Variants in RIMS3 observed in about 807,000 individuals in gnomAD.
RIMS3 encodes the protein regulating synaptic membrane exocytosis 3.
Under a neutral mutation model 29.2 loss-of-function variants are expected in RIMS3, and 15 were observed. The ratio of observed to expected loss-of-function variants is 0.51; its 90% CI spans 0.34 to 0.79. The LOEUF is 0.79. Ranked by LOEUF, RIMS3 falls within the 30% of genes least tolerant of loss-of-function variation. The pLI, the probability that RIMS3 is intolerant of heterozygous loss-of-function variation, is 0.01. For synonymous variants in RIMS3, 161 were observed against 170.1 expected, an observed-to-expected ratio of 0.95 and a Z score of 0.41; for missense variants, 342 against 421.4, an observed-to-expected ratio of 0.81 and a Z score of 1.65.
At chr1:40,643,483 T>TC (rs1349221263) in intron 2 of RIMS3, among the ~76,000 whole-genome samples, 1 of 150,022 alleles carries the variant, frequency 6.7e-6, no homozygotes, top group Admixed American at 6.6e-5. Context: ...TCTCTCTTTT[T>TC]TTTTTTTTTT....
chr1:40,681,505 C>A, the RIMS3 span: 1 of 152,088 alleles, frequency 6.6e-6, no homozygotes, highest in Non-Finnish European at 1.5e-5. Flanking sequence ...CATTTCTGAG[C>A]TGGGCGACTT....
the RIMS3 span, among the ~76,000 whole-genome samples, chr1:40,688,170 G>C: frequency 6.6e-6 from 1 of 152,078 alleles, no homozygotes; most frequent in Non-Finnish European, 1.5e-5. Context: ...TTACCATGTT[G>C]ATCAGGCTGG....
Position 40,626,535 on chromosome 1 carries a change from G to A in RIMS3, c.909C>T (p.Thr303=). Residue 303 remains threonine (T), a synonymous_variant, in exon 8 of 8, where the codon ACC becomes ACT. Transcript: ENST00000372684. ...GACATCCTTAAGAGCATGAGGGGCT[G>A]GTGGCACTCTCCAGGGAAGACTGGG... The part of the protein sequence containing the change: ...RLSQSSLESA[T]SPSCS 1 of 1,609,762 alleles carries A rather than the reference G, an allele frequency of 6.2e-7. No homozygotes were observed. The highest frequency in any genetic ancestry group is 8.5e-7 in the Non-Finnish European group (1 of 1,177,972).
At chr1:40,676,030 T>C in the RIMS3 span, among the ~76,000 whole-genome samples, 1 of 151,934 alleles carries the variant, frequency 6.6e-6, no homozygotes, top group African/African-American at 2.4e-5. Flanking sequence ...TGACTGTAGG[T>C]AGAGGGGGAA....
chr1:40,646,658 C>T (rs745963433), intron 2 of RIMS3, among the ~76,000 whole-genome samples: 20 of 152,288 alleles, frequency 1.3e-4, no homozygotes, highest in Middle Eastern at 3.4e-3. Flanking sequence ...CTACTGCCCC[C>T]ACTCCTGCCA....
At chr1:40,667,356 T>G (rs1642439386), upstream of RIMS3, among the ~76,000 whole-genome samples, 3 of 147,100 alleles carry the variant, frequency 2.0e-5, no homozygotes, top group South Asian at 2.2e-4. Flanking sequence ...TTAGGGGAGG[T>G]GGGATGGAGG....
chr1:40,691,940 C>T, the RIMS3 span: 606 of 330,766 alleles, frequency 1.8e-3, 2 homozygotes, highest in Non-Finnish European at 3.0e-3. Context: ...CAGCGCTTCC[C>T]GCCTTCGCCA....
At chr1:40,664,536 A>G (rs1397425151) in intron 1 of RIMS3, among the ~76,000 whole-genome samples, 2 of 152,176 alleles carry the variant, frequency 1.3e-5, no homozygotes, top group African/African-American at 4.8e-5. Flanking sequence ...AGGGTTGGAC[A>G]CATATTCACC....
chr1:40,635,284 T>C lies in RIMS3; in HGVS notation c.359+632A>G, dbSNP rs1049276323. Among the ~76,000 whole-genome samples the C allele has an allele frequency of 2.0e-5, 3 of 152,200 alleles. No individual in the cohort carries two copies. The highest frequency in any genetic ancestry group is 4.4e-5 in the Non-Finnish European group (3 of 68,040). ...GACTTTCAGATTTTTTAATGCAACCTACATGTAAGAAAGGAGATTTAACAT... is the reference window on the plus strand; with the variant it reads ...GACTTTCAGATTTTTTAATGCAACCCACATGTAAGAAAGGAGATTTAACAT... On this transcript the variant is annotated intron_variant, in intron 4 of 7. Coordinates refer to ENST00000372684, the MANE Select transcript of RIMS3 (RefSeq NM_014747.3). This position sits in a 1 kb window ranked among gnomAD's most constrained non-coding sequence, Gnocchi z 4.1.
In RIMS3 at chr1:40,641,699, G is replaced by A. The variant is rs200776965; in HGVS notation, c.217+10C>T. On this transcript the variant is annotated intron_variant, in intron 3 of 7. Coordinates refer to ENST00000372684, the MANE Select transcript of RIMS3 (RefSeq NM_014747.3). ...CCACCTCTACCCCGTGATGTCCCAT[G>A]CCCCCTCACCAGGCTGCGGAAGCTG... The A allele has an allele frequency of 5.6e-6, 9 of 1,613,630 alleles. No homozygotes were observed. The South Asian group carries it at 9.9e-5, about 18-fold the overall frequency.
intron 2 of RIMS3, among the ~76,000 whole-genome samples, chr1:40,645,651 C>G (rs1350768521): frequency 6.6e-6 from 1 of 152,156 alleles, no homozygotes; most frequent in Non-Finnish European, 1.5e-5. Flanking sequence ...CCAACCGGAC[C>G]ATAGCTGGAG....
intron 5 of RIMS3, among the ~76,000 whole-genome samples, chr1:40,631,637 C>T (rs1462242279): frequency 6.6e-6 from 1 of 151,864 alleles, no homozygotes; most frequent in African/African-American, 2.4e-5. Flanking sequence ...TGAGATTGTG[C>T]CATTGCACTC....
chr1:40,668,205 C>T (rs1050179485), upstream of RIMS3, among the ~76,000 whole-genome samples: 5 of 146,500 alleles, frequency 3.4e-5, no homozygotes, highest in East Asian at 8.0e-4. Context: ...GAACTGAGAT[C>T]GCACCACTGC....
At chr1:40,675,955 T>G in the RIMS3 span, among the ~76,000 whole-genome samples, 1 of 151,786 alleles carries the variant, frequency 6.6e-6, no homozygotes, top group Non-Finnish European at 1.5e-5. Context: ...CAAGTAGGTC[T>G]TGGCCAGGAA....
chr1:40,673,641 A>C, the RIMS3 span, among the ~76,000 whole-genome samples: 1 of 152,184 alleles, frequency 6.6e-6, no homozygotes, highest in African/African-American at 2.4e-5. Flanking sequence ...GAGCCTTGCC[A>C]ACACTTGACT....
chr1:40,626,962 T>G (rs1365339253), intron 7 of RIMS3, among the ~76,000 whole-genome samples: 1 of 152,220 alleles, frequency 6.6e-6, no homozygotes, highest in African/African-American at 2.4e-5. Context: ...TAGGTAGGGG[T>G]GCTCTGTATC....
Position 40,621,411 on chromosome 1 carries a change from G to C in RIMS3, c.*5106C>G, listed in dbSNP as rs1165549544. 1 of 152,216 alleles carries C rather than the reference G, an allele frequency of 6.6e-6. No individual in the cohort carries two copies. The highest frequency in any genetic ancestry group is 1.5e-5 in the Non-Finnish European group (1 of 68,056). 9.4% of individuals were successfully genotyped at this position (152,216 alleles called of 1,614,324 possible). A position where few individuals can be genotyped will look rare whatever the true frequency, so the allele number is the denominator to read the frequency against. On this transcript the variant is annotated 3_prime_UTR_variant, in exon 8 of 8. Coordinates refer to ENST00000372684, the MANE Select transcript of RIMS3 (RefSeq NM_014747.3). The stretch of plus-strand genomic sequence containing the variant: ...CCACGAAGAGAGGAAAGCAGAGTCT[G>C]TTAGGATTCCCAGAGTTCTTGTCTG...
chr1:40,660,404 G>T (rs1421844691), intron 1 of RIMS3, among the ~76,000 whole-genome samples: 1 of 150,072 alleles, frequency 6.7e-6, no homozygotes, highest in African/African-American at 2.5e-5. Context: ...TTGAGACAGG[G>T]TCTCGCTTTG....
rs767146264 is a variant in RIMS3 at position 40,636,002 on chromosome 1, G to C, written c.273C>G (p.Ile91Met). 1.2e-6 allele frequency: 2 copies of C among 1,609,450 alleles called. No homozygotes were observed. Among genetic ancestry groups the C allele is most frequent in the South Asian group, 1.1e-5 (1 of 91,062 alleles). Residue 91 changes from isoleucine (I) to methionine (M), a missense_variant, in exon 4 of 8, where the codon ATC (isoleucine) becomes ATG (methionine). Transcript: ENST00000372684. The surrounding 1 kb of genome is among the most constrained non-coding windows in gnomAD (Gnocchi z 4.2). Reference sequence around the variant, plus strand: ...TGACCCGGCTCCGCATCTCCACCGCGATGCCTGTCTCCGTGCTCCGGCGGA... The same window carrying C: ...TGACCCGGCTCCGCATCTCCACCGCCATGCCTGTCTCCGTGCTCCGGCGGA... ...SNIRRSTETG[I>M]AVEMRSRVTR...
Sources: gnomAD v4.1 joint callset for allele counts (sites outside exome capture counted in the v4.1 genomes callset) on GRCh38, gnomAD v4.1.1 for gene constraint, Gnocchi (gnomAD v3.1) non-coding constraint, MANE v1.5 for transcripts, NCBI Gene and HGNC (gene_info 2026-07-23, HGNC 2026-07-21) for gene names.